UNC5C: variants seen among roughly 807,000 people sequenced by gnomAD.
UNC5C encodes the protein netrin receptor UNC5C.
Under a neutral mutation model 99.8 loss-of-function variants are expected in UNC5C, and 47 were observed. The ratio of observed to expected loss-of-function variants is 0.47; its 90% CI spans 0.37 to 0.60. The LOEUF (loss-of-function observed/expected upper bound fraction) is 0.60. Among genes scored for constraint, UNC5C ranks in the 20% least tolerant of loss-of-function variants. The probability of loss-of-function intolerance (pLI) is 0.00; values close to 1 mark genes in which losing one functional copy is unlikely to be tolerated. For missense variants in UNC5C, 1,062 were observed against 1,165.9 expected, an observed-to-expected ratio of 0.91 and a Z score of 1.30; for synonymous variants, 487 against 452.2, an observed-to-expected ratio of 1.08 and a Z score of -0.98.
intron 1 of UNC5C, among the ~76,000 whole-genome samples, chr4:95,416,453 A>G (rs908772385): frequency 2.6e-5 from 4 of 152,148 alleles, no homozygotes; most frequent in Non-Finnish European, 4.4e-5. Flanking sequence ...AGTCTCAAAG[A>G]AAAAAGTGAG....
At chr4:95,345,353 A>G in intron 1 of UNC5C, among the ~76,000 whole-genome samples, 1 of 152,122 alleles carries the variant, frequency 6.6e-6, no homozygotes, top group South Asian at 2.1e-4. Flanking sequence ...CAAATATAAT[A>G]TATAAATCAA....
chr4:95,535,863 C>T (rs762283742), intron 1 of UNC5C, among the ~76,000 whole-genome samples: 11 of 151,820 alleles, frequency 7.2e-5, no homozygotes, highest in Admixed American at 1.3e-4. Context: ...ATTTTTAATT[C>T]TCTAGCAATT....
intron 14 of UNC5C, among the ~76,000 whole-genome samples, chr4:95,177,568 C>G (rs1308020614): frequency 6.6e-6 from 1 of 152,222 alleles, no homozygotes; most frequent in Non-Finnish European, 1.5e-5. Flanking sequence ...TAGGCTTATG[C>G]AATCCCATGG....
intron 1 of UNC5C, among the ~76,000 whole-genome samples, chr4:95,520,102 G>A (rs543949756): frequency 6.6e-6 from 1 of 152,198 alleles, no homozygotes; most frequent in African/African-American, 2.4e-5. Flanking sequence ...CTCCAAAAAG[G>A]TAAAATGACT....
intron 1 of UNC5C, among the ~76,000 whole-genome samples, chr4:95,506,928 ATAT>A (rs1375029006): frequency 4.6e-5 from 7 of 151,806 alleles, no homozygotes; most frequent in South Asian, 2.1e-4. Context: ...ATATTAATAA[ATAT>A]TATACATGCA....
intron 1 of UNC5C, among the ~76,000 whole-genome samples, chr4:95,477,947 A>G (rs1402101698): frequency 6.6e-6 from 1 of 152,014 alleles, no homozygotes; most frequent in Non-Finnish European, 1.5e-5. Flanking sequence ...TACCTACTTT[A>G]CAGGTTGACA....
At chr4:95,536,070 A>T (rs1219230734) in intron 1 of UNC5C, among the ~76,000 whole-genome samples, 1 of 113,112 alleles carries the variant, frequency 8.8e-6, no homozygotes, top group African/African-American at 3.0e-5. Flanking sequence ...ACATATATAT[A>T]TATATATATA....
intron 1 of UNC5C, among the ~76,000 whole-genome samples, chr4:95,435,419 G>C (rs776992693): frequency 4.6e-5 from 7 of 152,016 alleles, no homozygotes; most frequent in Non-Finnish European, 8.8e-5. Flanking sequence ...CAGATGTTTA[G>C]TCTTCTGTCA....
intron 1 of UNC5C, among the ~76,000 whole-genome samples, chr4:95,360,951 T>C (rs77706213): frequency 0.034 from 5,124 of 152,270 alleles, 125 homozygotes; most frequent in South Asian, 0.053. Context: ...TGTGAGTATA[T>C]GCGGTTATTT....
intron 10 of UNC5C, among the ~76,000 whole-genome samples, chr4:95,211,316 A>G (rs1025623839): frequency 2.0e-5 from 3 of 152,232 alleles, no homozygotes; most frequent in Non-Finnish European, 4.4e-5. Context: ...ACTTGCTATC[A>G]AAAGCTCAAT....
intron 1 of UNC5C, among the ~76,000 whole-genome samples, chr4:95,488,178 A>C (rs1375303871): frequency 2.0e-5 from 3 of 151,796 alleles, no homozygotes; most frequent in Non-Finnish European, 4.4e-5. Flanking sequence ...TTGAGTCAAT[A>C]GCAGGAATAC....
chr4:95,229,375 G>A (rs1174558307), intron 7 of UNC5C, among the ~76,000 whole-genome samples: 3 of 151,834 alleles, frequency 2.0e-5, no homozygotes, highest in African/African-American at 7.3e-5. Context: ...AACATGCAGT[G>A]TTTGGTTTTC....
chr4:95,365,987 T>G (rs1186529552), intron 1 of UNC5C, among the ~76,000 whole-genome samples: 1 of 152,214 alleles, frequency 6.6e-6, no homozygotes, highest in Non-Finnish European at 1.5e-5. Flanking sequence ...ATGCTATGTT[T>G]TCTTCCATTT....
At chr4:95,204,874 T>C (rs888820980) in intron 11 of UNC5C, among the ~76,000 whole-genome samples, 2 of 152,250 alleles carry the variant, frequency 1.3e-5, no homozygotes, top group African/African-American at 4.8e-5. Flanking sequence ...TGCAACATGA[T>C]CTGAGCTATA....
Position 95,250,559 on chromosome 4 carries a change from C to T in UNC5C, c.703G>A (p.Ala235Thr). Residue 235 changes from alanine to threonine, a missense_variant, in exon 5 of 16, where the codon GCA (alanine) becomes ACA (threonine). Coordinates refer to ENST00000453304, the MANE Select transcript of UNC5C (RefSeq NM_003728.4). ...TTTTTGGCAACACAGGTGTAATTTG[C>T]AGTATCAGAGAGTCGGGCCTGCTTT... ...IIKQARLSDT[A>T]NYTCVAKNIV... is the part of the protein sequence containing the mutation. 2 of 1,614,014 alleles carry T rather than the reference C, an allele frequency of 1.2e-6. No individual in the cohort carries two copies. The highest frequency in any genetic ancestry group is 1.1e-5 in the South Asian group (1 of 91,072).
intron 5 of UNC5C, among the ~76,000 whole-genome samples, chr4:95,245,464 C>A (rs1560750983): frequency 6.6e-6 from 1 of 152,168 alleles, no homozygotes; most frequent in African/African-American, 2.4e-5. Flanking sequence ...TCCAAAATTA[C>A]TTTTGACAGC....
At chr4:95,349,847 C>T (rs1255027239) in intron 1 of UNC5C, among the ~76,000 whole-genome samples, 1 of 152,068 alleles carries the variant, frequency 6.6e-6, no homozygotes, top group Non-Finnish European at 1.5e-5. Context: ...TCTGTGACCT[C>T]TGACTTTAAA....
At position 95,407,559 on chromosome 4, in the gene UNC5C, A is replaced by G. The variant is rs993440782; in HGVS notation, c.125-71928T>C. Among the ~76,000 whole-genome samples the G allele has an allele frequency of 3.9e-5, 6 of 152,286 alleles. No individual in the cohort carries two copies. In the South Asian group the frequency reaches 8.3e-4, roughly 21 times the overall value. ...AACAGACAAATTACATGATGTGTGT[A>G]GTTTTTCTGGAATTTTATGGAAGCA... On this transcript the variant is annotated intron_variant, in intron 1 of 15. Transcript: ENST00000453304.
intron 1 of UNC5C, among the ~76,000 whole-genome samples, chr4:95,546,679 T>G (rs1203633736): frequency 6.6e-6 from 1 of 152,214 alleles, no homozygotes; most frequent in African/African-American, 2.4e-5. Context: ...ATCTTTAACT[T>G]GCCTACGCTA....
Sources: gnomAD v4.1 joint callset for allele counts (sites outside exome capture counted in the v4.1 genomes callset) on GRCh38, gnomAD v4.1.1 for gene constraint, MANE v1.5 for transcripts, NCBI Gene and HGNC (gene_info 2026-07-23, HGNC 2026-07-21) for gene names.